The following CYRIB variants were observed in gnomAD, a reference collection of about 807,000 sequenced individuals.
CYRIB encodes the protein CYFIP related Rac1 interactor B.
Under a neutral mutation model 44.2 loss-of-function variants are expected in CYRIB, and 8 were observed. The ratio of observed to expected loss-of-function variants is 0.18; its 90% CI spans 0.11 to 0.33. The LOEUF (loss-of-function observed/expected upper bound fraction) is 0.33. Among genes scored for constraint, CYRIB ranks in the 10% least tolerant of loss-of-function variants. The pLI, the probability that CYRIB is intolerant of heterozygous loss-of-function variation, is 1.00. For missense variants in CYRIB, 185 were observed against 382.8 expected (o/e 0.48, Z 4.31); for synonymous variants, 131 against 127.2 (o/e 1.03, Z -0.20).
chr8:129,865,553 A>G (rs183257429), intron 4 of CYRIB, among the ~76,000 whole-genome samples: 2 of 152,366 alleles, frequency 1.3e-5, no homozygotes, highest in South Asian at 2.1e-4. Context: ...TTCTGAGAGA[A>G]AAGTTTCCAA....
At chr8:129,850,337 GA>G (rs1374448042) in intron 9 of CYRIB, 1 of 157,958 alleles carries the variant, frequency 6.3e-6, no homozygotes. Context: ...AATGTTTAGA[GA>G]GGAGAGAAAA....
chr8:129,952,951 G>A (rs189258185), intron 2 of CYRIB, among the ~76,000 whole-genome samples: 1 of 152,168 alleles, frequency 6.6e-6, no homozygotes, highest in African/African-American at 2.4e-5. Context: ...GAACTGTTAC[G>A]TGTTACTGTT....
intron 1 of CYRIB, among the ~76,000 whole-genome samples, chr8:129,981,399 C>A (rs2096234538): frequency 6.6e-6 from 1 of 152,184 alleles, no homozygotes; most frequent in Admixed American, 6.5e-5. Context: ...GATCTGCCAA[C>A]CTCAGCCGCC....
chr8:129,854,548 A>G (rs551888261), intron 6 of CYRIB, among the ~76,000 whole-genome samples: 55 of 152,240 alleles, frequency 3.6e-4, no homozygotes, highest in Admixed American at 5.2e-4. Context: ...CACAGGCAGT[A>G]TACTTTCCCT....
intron 9 of CYRIB, chr8:129,850,582 C>T (rs746909719): frequency 3.6e-5 from 17 of 471,818 alleles, no homozygotes; most frequent in Non-Finnish European, 5.6e-5. Context: ...GAGAAGAGAA[C>T]TAAGAGTCTG....
intron 2 of CYRIB, chr8:129,880,494 T>C (rs2060458851): frequency 1.0e-6 from 1 of 956,624 alleles, no homozygotes; most frequent in Non-Finnish European, 1.2e-6. Flanking sequence ...TTAGTTCCAG[T>C]AAAAAATTTT....
At chr8:129,947,759 A>T (rs1458300110) in intron 2 of CYRIB, 1 of 152,248 alleles carries the variant, frequency 6.6e-6, no homozygotes, top group Non-Finnish European at 1.5e-5. Context: ...ATATAAAGGC[A>T]GCACATATTT....
At chr8:130,001,630 G>A (rs1312216190) in intron 1 of CYRIB, among the ~76,000 whole-genome samples, 2 of 148,914 alleles carry the variant, frequency 1.3e-5, no homozygotes, top group Non-Finnish European at 3.0e-5. Context: ...CTGGGTTCAA[G>A]CAATTCTCCT....
At chr8:129,866,711 A>G (rs976071516) in intron 4 of CYRIB, among the ~76,000 whole-genome samples, 4 of 152,228 alleles carry the variant, frequency 2.6e-5, no homozygotes, top group Admixed American at 6.5e-5. Context: ...CATTCTCACA[A>G]TATAAAAATG....
intron 2 of CYRIB, among the ~76,000 whole-genome samples, chr8:129,946,471 G>A (rs1281510168): frequency 6.6e-6 from 1 of 152,120 alleles, no homozygotes; most frequent in Non-Finnish European, 1.5e-5. Flanking sequence ...TTAGGGATGA[G>A]GACTCCATGG....
intron 2 of CYRIB, among the ~76,000 whole-genome samples, chr8:129,880,909 T>C (rs988707886): frequency 7.2e-5 from 11 of 152,214 alleles, no homozygotes; most frequent in Non-Finnish European, 1.6e-4. Context: ...AAACCACATT[T>C]AACCATTAAA....
At chr8:130,005,120 A>C (rs2097018686) in intron 1 of CYRIB, among the ~76,000 whole-genome samples, 1 of 151,434 alleles carries the variant, frequency 6.6e-6, no homozygotes, top group African/African-American at 2.4e-5. Flanking sequence ...TGAACTTCAC[A>C]GAATTTTTTA....
At chr8:130,009,844 C>A (rs961427117) in intron 1 of CYRIB, among the ~76,000 whole-genome samples, 2 of 152,224 alleles carry the variant, frequency 1.3e-5, no homozygotes, top group African/African-American at 4.8e-5. Context: ...TGCCCAAGGT[C>A]ATGCAGCGCT....
At chr8:129,869,539 T>C (rs1179602176) in intron 4 of CYRIB, among the ~76,000 whole-genome samples, 1 of 152,180 alleles carries the variant, frequency 6.6e-6, no homozygotes, top group Non-Finnish European at 1.5e-5. Flanking sequence ...ATAACCATCA[T>C]AAAAAATTTT....
chr8:129,955,921 T>C (rs1461528752), intron 2 of CYRIB, among the ~76,000 whole-genome samples: 2 of 152,234 alleles, frequency 1.3e-5, no homozygotes, highest in African/African-American at 4.8e-5. Context: ...GTTGCATCCA[T>C]CGGGATGGGA....
intron 1 of CYRIB, among the ~76,000 whole-genome samples, chr8:129,992,639 C>T (rs2096666065): frequency 6.6e-6 from 1 of 152,220 alleles, no homozygotes; most frequent in Admixed American, 6.5e-5. Context: ...GCATTTAACT[C>T]AGACCAATAC....
At chr8:129,990,013 T>C (rs1336717141) in intron 1 of CYRIB, among the ~76,000 whole-genome samples, 5 of 152,122 alleles carry the variant, frequency 3.3e-5, no homozygotes, top group Non-Finnish European at 7.3e-5. Context: ...ATGGTGTATA[T>C]ATGTGCCCTT....
chr8:129,844,549 GCT>G (rs1442160722), intron 11 of CYRIB: 17 of 152,022 alleles, frequency 1.1e-4, no homozygotes, highest in African/African-American at 4.1e-4. Context: ...TGAACTCCCA[GCT>G]CTCTTTTTTT....
chr8:130,010,949 C>G lies in CYRIB; in HGVS notation c.-296+5421G>C, dbSNP rs188073550. 1.6e-3 allele frequency among the ~76,000 whole-genome samples: 246 copies of G among 152,282 alleles called. 2 individuals carry two copies. Among genetic ancestry groups the G allele is most frequent in the Non-Finnish European group, 6.6e-4 (45 of 68,014 alleles). ...CCTGCTCAGAACCTCCGAGGCAATC[C>G]CCACGTGATGCGCAGCACACTCAAG... On this transcript the variant is annotated intron_variant, in intron 1 of 14. Coordinates refer to the CYRIB transcript ENST00000401979.
Sources: gnomAD v4.1 joint callset for allele counts (sites outside exome capture counted in the v4.1 genomes callset) on GRCh38, gnomAD v4.1.1 for gene constraint, MANE v1.5 for transcripts, NCBI Gene and HGNC (gene_info 2026-07-23, HGNC 2026-07-21) for gene names.